The following CHD1L variants were observed in gnomAD, a reference collection of about 807,000 sequenced individuals.
The protein encoded by CHD1L is chromodomain helicase DNA binding protein 1 like.
A neutral mutation model predicts 115.9 loss-of-function variants in CHD1L; 118 were observed. That is an observed-to-expected ratio of 1.02 (90% CI 0.88 to 1.19). The LOEUF (loss-of-function observed/expected upper bound fraction) is 1.19. CHD1L is among the 50% of genes most tolerant of loss of function. The pLI is 0.00. For synonymous variants in CHD1L, 411 were observed against 387.1 expected (o/e 1.06, Z -0.72); for missense variants, 1,179 against 1,065.3 (o/e 1.11, Z -1.49).
chr1:147,260,591 A>T (rs1354970706), intron 6 of CHD1L: 5 of 152,184 alleles, frequency 3.3e-5, no homozygotes, highest in Admixed American at 1.3e-4. Context: ...ATTTCTCTTA[A>T]AAAATCTTAT....
chr1:147,204,781 C>G, the CHD1L span: 1 of 1,580,802 alleles, frequency 6.3e-7, no homozygotes, highest in Non-Finnish European at 8.7e-7. Context: ...TTTTTTCATT[C>G]CATTTCGTCC....
the CHD1L span, among the ~76,000 whole-genome samples, chr1:147,236,937 G>A: frequency 5.3e-5 from 8 of 152,172 alleles, no homozygotes; most frequent in African/African-American, 9.7e-5. Flanking sequence ...GGTCTTCACC[G>A]GTGACCTGCT....
At chr1:147,235,730 C>G in the CHD1L span, among the ~76,000 whole-genome samples, 1 of 152,124 alleles carries the variant, frequency 6.6e-6, no homozygotes, top group African/African-American at 2.4e-5. Context: ...TTCTTAGGGT[C>G]ATAATTTTAC....
In CHD1L at chr1:147,270,923, T is replaced by A; in HGVS notation, c.1086-9T>A. ...ACTTGGCAGTGTTTCCTTTTCTTTT[T>A]CTTGCCAGGGGCCATCGGGTTTTAC... On this transcript the variant is annotated splice_polypyrimidine_tract_variant and intron_variant, in intron 10 of 22. Transcript: ENST00000369258. 1 of 1,613,742 alleles carries A rather than the reference T, an allele frequency of 6.2e-7. No individual in the cohort carries two copies. The highest frequency in any genetic ancestry group is 8.5e-7 in the Non-Finnish European group (1 of 1,179,736).
chr1:147,208,639 G>A, the CHD1L span: 58 of 421,270 alleles, frequency 1.4e-4, no homozygotes, highest in Admixed American at 3.9e-4. Flanking sequence ...GGGTTTCACC[G>A]TGTTGGCCAG....
intron 12 of CHD1L, among the ~76,000 whole-genome samples, 195 bp from the exon 13 acceptor site, chr1:147,275,159 G>A (rs959951064): frequency 5.3e-5 from 8 of 152,128 alleles, no homozygotes; most frequent in East Asian, 1.9e-4. Context: ...TTCCCATCAG[G>A]CAATAAGAGG....
the CHD1L span, chr1:147,203,457 A>C: frequency 9.6e-6 from 8 of 832,096 alleles, no homozygotes; most frequent in East Asian, 1.9e-4. Flanking sequence ...TGTCCGTTAC[A>C]GCAGGGACTA....
At chr1:147,294,649 A>G (rs1320249383) in intron 22 of CHD1L, 132 bp downstream of exon 22, 2 of 576,410 alleles carry the variant, frequency 3.5e-6, no homozygotes, top group South Asian at 3.0e-5. Flanking sequence ...CTCTTCAGTG[A>G]GACAAAGAAA....
the CHD1L span, chr1:147,204,201 G>T: frequency 2.9e-6 from 4 of 1,377,176 alleles, no homozygotes; most frequent in Non-Finnish European, 3.1e-6. Context: ...CCATCAAAAG[G>T]ACAAGAGTAC....
At chr1:147,246,842 C>G (rs1479737469) in intron 1 of CHD1L, among the ~76,000 whole-genome samples, 1 of 151,974 alleles carries the variant, frequency 6.6e-6, no homozygotes, top group Admixed American at 6.6e-5. Context: ...TAAAATTTAT[C>G]AGTTTATCAA....
intron 2 of CHD1L, 33 bp from the exon 3 acceptor site, chr1:147,254,836 TG>T: frequency 6.8e-7 from 1 of 1,471,478 alleles, no homozygotes; most frequent in Non-Finnish European, 9.3e-7. Flanking sequence ...TGGGGAAATG[TG>T]ATCAAAACTG....
At chr1:147,204,359 G>T in the CHD1L span, 2 of 1,037,648 alleles carry the variant, frequency 1.9e-6, no homozygotes, top group Non-Finnish European at 3.1e-6. Flanking sequence ...CCAGAATCAG[G>T]AAAAATAGAT....
the CHD1L span, chr1:147,178,687 C>T: frequency 8.2e-6 from 13 of 1,576,780 alleles, no homozygotes; most frequent in Middle Eastern, 1.7e-4. Context: ...TGTTGAGTCT[C>T]TGGTGAACGA....
intron 5 of CHD1L, chr1:147,258,939 G>A (rs1315989548): frequency 6.6e-6 from 1 of 151,990 alleles, no homozygotes; most frequent in Non-Finnish European, 1.5e-5. Context: ...TGTAAAAGAG[G>A]ATACATGATA....
At chr1:147,208,931 A>G in the CHD1L span, 12 of 1,614,108 alleles carry the variant, frequency 7.4e-6, 1 homozygote, top group South Asian at 1.3e-4. Context: ...TTTGCTAATG[A>G]TTGGCCACAG....
chr1:147,262,175 G>A (rs11239960), intron 6 of CHD1L, among the ~76,000 whole-genome samples: 4,442 of 130,528 alleles, frequency 0.034, 217 homozygotes, highest in African/African-American at 0.12. Flanking sequence ...CAGCCTGGGC[G>A]ACAGAGCGAG....
the CHD1L span, among the ~76,000 whole-genome samples, chr1:147,177,717 C>T: frequency 6.6e-6 from 1 of 152,152 alleles, no homozygotes; most frequent in Admixed American, 6.5e-5. Flanking sequence ...ATAACCAGTA[C>T]TCTTCAGAAC....
chr1:147,269,667 CAAAAA>C (rs10649680), intron 10 of CHD1L, among the ~76,000 whole-genome samples: 5 of 93,270 alleles, frequency 5.4e-5, no homozygotes, highest in Non-Finnish European at 9.9e-5. Context: ...GGCTCCATCT[CAAAAA>C]AAAAAAAAAA....
chr1:147,287,707 TATATG>T lies in CHD1L; in HGVS notation c.2296_2300del (p.Tyr766AlafsTer19). 1 of 1,613,624 alleles carries T rather than the reference TATATG, an allele frequency of 6.2e-7. No individual in the cohort carries two copies. On this transcript the variant is annotated frameshift_variant, in exon 19 of 23. Transcript: ENST00000369258. LOFTEE classifies it high-confidence loss of function. ...AAGCGATCCGCTGAGCCAAGAAAAA[TATATG>T]AGCTGGCTGGGAAAATGAAAGGTAA...
Sources: allele counts gnomAD v4.1 joint callset (sites outside exome capture counted in the v4.1 genomes callset), GRCh38; gene constraint gnomAD v4.1.1; transcripts MANE v1.5; gene names NCBI Gene and HGNC (gene_info 2026-07-23, HGNC 2026-07-21).